RFC3: variants seen among roughly 807,000 people sequenced by gnomAD.
RFC3 encodes the protein replication factor C subunit 3.
In RFC3, 41 loss-of-function variants were observed where a neutral mutation model predicts 45.1. The ratio of observed to expected loss-of-function variants is 0.91; its 90% CI spans 0.71 to 1.18. The LOEUF is 1.18. Among genes scored for constraint, RFC3 ranks in the 50% most tolerant of loss-of-function variants. RFC3 has a pLI of 0.00. For missense variants in RFC3, 423 were observed against 428.1 expected, an observed-to-expected ratio of 0.99 and a Z score of 0.10; for synonymous variants, 149 against 144.0, an observed-to-expected ratio of 1.03 and a Z score of -0.25.
At chr13:33,950,779 TC>T (rs1478392055) in intron 8 of RFC3, among the ~76,000 whole-genome samples, 8 of 152,162 alleles carry the variant, frequency 5.3e-5, no homozygotes, top group African/African-American at 1.9e-4. Flanking sequence ...TCTCTCTCTC[TC>T]TCTTTGAACC....
In RFC3 at chr13:33,861,133, A is replaced by G. The variant is rs920601042; in HGVS notation, c.879+25916A>G. Among the ~76,000 whole-genome samples the G allele has an allele frequency of 3.3e-5, 5 of 152,328 alleles. No homozygotes were observed. The East Asian group carries it at 9.6e-4, about 29-fold the overall frequency. ...GGCATAAAAGTGAAATATACTAGTT[A>G]AAGCTTCATGTCATTGTCCTTAAAA... On this transcript the variant is annotated intron_variant, in intron 8 of 8. Coordinates refer to the RFC3 transcript ENST00000434425.
downstream of RFC3, among the ~76,000 whole-genome samples, chr13:33,840,598 G>GT (rs149732716): frequency 1.8e-3 from 13 of 7,304 alleles, no homozygotes; most frequent in Admixed American, 1.7e-3. Context: ...TTTTGTGTGT[G>GT]TTTTTTTTTA....
At chr13:33,886,547 A>G (rs555563985) in intron 8 of RFC3, among the ~76,000 whole-genome samples, 1 of 151,650 alleles carries the variant, frequency 6.6e-6, no homozygotes, top group South Asian at 2.1e-4. Flanking sequence ...AAAAGAAAAA[A>G]AAAAAAAAGA....
At chr13:33,899,123 A>G (rs541205703) in intron 8 of RFC3, among the ~76,000 whole-genome samples, 6 of 151,268 alleles carry the variant, frequency 4.0e-5, no homozygotes, top group Non-Finnish European at 8.9e-5. Context: ...TCTTCAAAAA[A>G]ATTGAAGAGG....
At chr13:33,856,388 A>G (rs1185957956) in intron 8 of RFC3, among the ~76,000 whole-genome samples, 3 of 152,194 alleles carry the variant, frequency 2.0e-5, no homozygotes, top group African/African-American at 7.2e-5. Flanking sequence ...AATGGGTATT[A>G]GGCTTAATAC....
At chr13:33,900,254 C>T (rs2082631516) in intron 8 of RFC3, among the ~76,000 whole-genome samples, 1 of 151,828 alleles carries the variant, frequency 6.6e-6, no homozygotes, top group Non-Finnish European at 1.5e-5. Flanking sequence ...AAGCGGGAGG[C>T]ATTACACTAC....
chr13:33,835,016 A>G, intron 7 of RFC3, 132 bp from the exon 8 acceptor site: 1 of 563,054 alleles, frequency 1.8e-6, no homozygotes, highest in Non-Finnish European at 3.2e-6. Flanking sequence ...TTAATTCATA[A>G]AGTTAGGTCA....
chr13:33,836,345 C>A lies in RFC3; in HGVS notation c.*50C>A. ...ATTTCTCAGTATCAGTATTTACATA[C>A]AGCTTATATTAAAAGAGCTGTGGGT... On this transcript the variant is annotated 3_prime_UTR_variant, in exon 9 of 9. Coordinates refer to ENST00000380071, the MANE Select transcript of RFC3 (RefSeq NM_002915.4). 6.3e-7 allele frequency: 1 copy of A among 1,587,546 alleles called. No individual in the cohort carries two copies. Among genetic ancestry groups the A allele is most frequent in the Non-Finnish European group, 8.6e-7 (1 of 1,162,966 alleles).
At position 33,823,925 on chromosome 13, in the gene RFC3, T is replaced by TAAA; in HGVS notation, c.242_244dup (p.Lys81dup). On this transcript the variant is annotated inframe_insertion, in exon 3 of 9. Coordinates refer to ENST00000380071, the MANE Select transcript of RFC3 (RefSeq NM_002915.4). ...TTTTTCTTTGTCCACAGACTCCATC[T>TAAA]AAAAAAAAAATTGAAATTAGCACCA... The TAAA allele has an allele frequency of 3.6e-6, 5 of 1,385,134 alleles. No homozygotes were observed. Among genetic ancestry groups the TAAA allele is most frequent in the East Asian group, 2.6e-5 (1 of 38,712 alleles). The allele number at this position is 1,385,134 out of a possible 1,614,324, so 85.8% of individuals were successfully genotyped here.
rs569459835 is a variant in RFC3 at position 33,882,787 on chromosome 13, A to G, written c.879+47570A>G. 4.6e-5 allele frequency among the ~76,000 whole-genome samples: 7 copies of G among 152,314 alleles called. No homozygotes were observed. The East Asian group carries it at 1.2e-3, about 25-fold the overall frequency. On this transcript the variant is annotated intron_variant, in intron 8 of 8. Transcript: ENST00000434425. ...CTTTTATATTCACACTTTCTTCCCA[A>G]TCCTGACCTTGAATGACCACTAATC...
At chr13:33,840,795 A>G (rs979940527), downstream of RFC3, among the ~76,000 whole-genome samples, 9 of 152,188 alleles carry the variant, frequency 5.9e-5, no homozygotes, top group African/African-American at 2.2e-4. Flanking sequence ...AAAAAGGTAC[A>G]TCATAAATGC....
chr13:33,916,652 G>A (rs2082735195), intron 8 of RFC3, among the ~76,000 whole-genome samples: 1 of 152,168 alleles, frequency 6.6e-6, no homozygotes, highest in Non-Finnish European at 1.5e-5. Context: ...GTACGTAGAT[G>A]TCTGTGTGTC....
chr13:33,950,032 G>C (rs1408299161), intron 8 of RFC3, among the ~76,000 whole-genome samples: 1 of 148,940 alleles, frequency 6.7e-6, no homozygotes. Flanking sequence ...GTCTCTCTCT[G>C]CTTTCTCTCT....
downstream of RFC3, among the ~76,000 whole-genome samples, chr13:33,840,315 G>C (rs1391942489): frequency 6.6e-6 from 1 of 152,086 alleles, no homozygotes; most frequent in African/African-American, 2.4e-5. Flanking sequence ...TTTCCTTCAA[G>C]TTTTCAGCTC....
chr13:33,968,430 A>C (rs965230499), downstream of RFC3, among the ~76,000 whole-genome samples: 4 of 152,224 alleles, frequency 2.6e-5, no homozygotes, highest in Admixed American at 6.5e-5. Context: ...CTGGCCCAGC[A>C]TTTACTCTTT....
intron 8 of RFC3, among the ~76,000 whole-genome samples, chr13:33,880,761 T>C (rs1468867018): frequency 6.6e-6 from 1 of 152,152 alleles, no homozygotes; most frequent in Non-Finnish European, 1.5e-5. Flanking sequence ...CACATACAGA[T>C]GTGCACGCAT....
intron 8 of RFC3, among the ~76,000 whole-genome samples, chr13:33,939,167 C>T (rs971184611): frequency 1.3e-5 from 2 of 151,988 alleles, no homozygotes; most frequent in Non-Finnish European, 2.9e-5. Context: ...TATTTTGTGG[C>T]TTGTTTTTTC....
intron 2 of RFC3, among the ~76,000 whole-genome samples, chr13:33,822,461 A>C (rs899841045): frequency 6.6e-6 from 1 of 152,202 alleles, no homozygotes; most frequent in African/African-American, 2.4e-5. Flanking sequence ...TTATGAAAAA[A>C]GATTAGTGAA....
intron 8 of RFC3, among the ~76,000 whole-genome samples, chr13:33,925,215 GTACTATATACATACACATATA>G (rs1158166509): frequency 4.4e-5 from 5 of 112,408 alleles, no homozygotes; most frequent in Admixed American, 1.9e-4. Flanking sequence ...CACATATAGT[GTACTATATACATACACATATA>G]GTGTACTATA....
Sources: allele counts gnomAD v4.1 joint callset (sites outside exome capture counted in the v4.1 genomes callset), GRCh38; gene constraint gnomAD v4.1.1; transcripts MANE v1.5; gene names NCBI Gene and HGNC (gene_info 2026-07-23, HGNC 2026-07-21).